Variants in ATF3 observed in about 807,000 individuals in gnomAD.
ATF3 encodes cyclic AMP-dependent transcription factor ATF-3.
In ATF3, 10 loss-of-function variants were observed where a neutral mutation model predicts 18.4. The observed-to-expected ratio is 0.54, with a 90% CI of 0.34 to 0.92. The LOEUF (loss-of-function observed/expected upper bound fraction) is 0.92, where lower values mean the gene tolerates loss of function less well. Ranked by LOEUF, ATF3 falls within the 40% of genes least tolerant of loss-of-function variation. The probability of loss-of-function intolerance (pLI) is 0.02; values close to 1 mark genes in which losing one functional copy is unlikely to be tolerated. For missense variants in ATF3, 183 were observed against 222.3 expected (o/e 0.82, Z 1.12); for synonymous variants, 78 against 87.9 (o/e 0.89, Z 0.63).
upstream of ATF3, among the ~76,000 whole-genome samples, chr1:212,608,431 A>G (rs1654713838): frequency 6.6e-6 from 1 of 152,054 alleles, no homozygotes; most frequent in African/African-American, 2.4e-5. Context: ...AACACGCAGC[A>G]GCGAGTACGC....
chr1:212,595,490 A>T (rs1664973902), intron 1 of ATF3, among the ~76,000 whole-genome samples: 2 of 152,222 alleles, frequency 1.3e-5, no homozygotes, highest in Admixed American at 1.3e-4. Flanking sequence ...TCCTGGACCA[A>T]CCACAGTGGT....
intron 1 of ATF3, among the ~76,000 whole-genome samples, chr1:212,586,099 A>G (rs146415974): frequency 0.016 from 2,449 of 152,002 alleles, 52 homozygotes; most frequent in African/African-American, 0.051. Flanking sequence ...TTTGCACCAG[A>G]CTGTGAGTCT....
intron 1 of ATF3, among the ~76,000 whole-genome samples, chr1:212,596,255 C>A (rs1486438553): frequency 6.6e-6 from 1 of 152,250 alleles, no homozygotes; most frequent in Non-Finnish European, 1.5e-5. Context: ...CTAAGGCTAA[C>A]TTTCCCCTGT....
chr1:212,575,694 C>A (rs1005524476), intron 1 of ATF3, among the ~76,000 whole-genome samples: 2 of 151,986 alleles, frequency 1.3e-5, no homozygotes, highest in Non-Finnish European at 2.9e-5. Context: ...GCCTTCTATA[C>A]CTAGTTTGCT....
intron 1 of ATF3, among the ~76,000 whole-genome samples, chr1:212,611,621 GT>G (rs1337665880): frequency 1.3e-5 from 2 of 152,190 alleles, no homozygotes; most frequent in Non-Finnish European, 2.9e-5. Flanking sequence ...GATATGAAGA[GT>G]TAGTGAAAGG....
At chr1:212,612,301 G>A (rs1373132871) in intron 1 of ATF3, among the ~76,000 whole-genome samples, 1 of 152,134 alleles carries the variant, frequency 6.6e-6, no homozygotes, top group African/African-American at 2.4e-5. Flanking sequence ...AAGGGTAGGG[G>A]GCGGGAGTCA....
At chr1:212,578,439 A>C (rs1664622008) in intron 1 of ATF3, among the ~76,000 whole-genome samples, 1 of 152,178 alleles carries the variant, frequency 6.6e-6, no homozygotes, top group Non-Finnish European at 1.5e-5. Flanking sequence ...CATGTCTCTT[A>C]ATACTTTCTC....
At chr1:212,596,205 A>G (rs1485511467) in intron 1 of ATF3, among the ~76,000 whole-genome samples, 1 of 152,248 alleles carries the variant, frequency 6.6e-6, no homozygotes, top group Non-Finnish European at 1.5e-5. Context: ...TGGCCGTTAC[A>G]AGATAACTCC....
chr1:212,616,083 T>A (rs1233594690), intron 2 of ATF3, among the ~76,000 whole-genome samples: 1 of 151,590 alleles, frequency 6.6e-6, no homozygotes, highest in Non-Finnish European at 1.5e-5. Context: ...GTAAAAGAAA[T>A]TAAGGGCACT....
chr1:212,616,817 A>G lies in ATF3; in HGVS notation c.241-1310A>G, dbSNP rs181919804. ...GCTGATAGATTGGATGTGGGGTGTA[A>G]GAGAAAGGGAAGACTCAAGGGTGAC... On this transcript the variant is annotated intron_variant, in intron 2 of 3. Coordinates refer to ENST00000341491, the MANE Select transcript of ATF3 (RefSeq NM_001674.4). Among the ~76,000 whole-genome samples the G allele has an allele frequency of 1.6e-4, 24 of 152,230 alleles. No individual in the cohort carries two copies. The East Asian group carries it at 4.6e-3, about 29-fold the overall frequency.
At position 212,618,082 on chromosome 1, in the gene ATF3, G is replaced by C. The variant is rs948925946; in HGVS notation, c.241-45G>C. On this transcript the variant is annotated intron_variant, in intron 2 of 3. Transcript: ENST00000341491. This position sits in a 1 kb window ranked among gnomAD's most constrained non-coding sequence, Gnocchi z 4.4. Reference sequence around the variant, plus strand: ...AAAGGCAGTGTATTTGAGGTAGGTGGCATTTCTTACTGCCCTTTAAATGTG... The same window carrying C: ...AAAGGCAGTGTATTTGAGGTAGGTGCCATTTCTTACTGCCCTTTAAATGTG... 1 of 1,590,822 alleles carries C rather than the reference G, an allele frequency of 6.3e-7. No homozygotes were observed. Among genetic ancestry groups the C allele is most frequent in the Non-Finnish European group, 8.6e-7 (1 of 1,159,594 alleles).
chr1:212,610,689 C>G (rs771641876), intron 1 of ATF3, among the ~76,000 whole-genome samples: 2 of 152,144 alleles, frequency 1.3e-5, no homozygotes, highest in Non-Finnish European at 2.9e-5. Context: ...CTTCGATAGC[C>G]CCTCCCTATC....
At chr1:212,587,284 G>T (rs1664797526) in intron 1 of ATF3, among the ~76,000 whole-genome samples, 3 of 152,214 alleles carry the variant, frequency 2.0e-5, no homozygotes, top group East Asian at 3.8e-4. Context: ...AATAAATGAA[G>T]AATATTTGTA....
upstream of ATF3, among the ~76,000 whole-genome samples, chr1:212,604,109 C>CTTCAAATCACT: frequency 6.6e-6 from 1 of 152,172 alleles, no homozygotes; most frequent in East Asian, 1.9e-4. Context: ...AATCTTTTAT[C>CTTCAAATCACT]TTCAAATCAC....
chr1:212,619,505 G>C lies in ATF3; in HGVS notation c.496G>C (p.Glu166Gln), dbSNP rs776417028. 1 of 1,614,194 alleles carries C rather than the reference G, an allele frequency of 6.2e-7. No homozygotes were observed. Among genetic ancestry groups the C allele is most frequent in the South Asian group, 1.1e-5 (1 of 91,076 alleles). ...RAQNGRTPEDERNLFIQQIKE... is the reference protein window; with the variant it reads ...RAQNGRTPEDQRNLFIQQIKE... ...TCAGAATGGGAGGACTCCAGAAGATGAGAGAAACCTCTTTATCCAACAGAT... is the reference window on the plus strand; with the variant it reads ...TCAGAATGGGAGGACTCCAGAAGATCAGAGAAACCTCTTTATCCAACAGAT... Residue 166 changes from glutamate to glutamine, a missense_variant, in exon 4 of 4, where the codon GAG (glutamate) becomes CAG (glutamine). By Grantham distance (29) the Glu-to-Gln change is conservative. Coordinates refer to ENST00000341491, the MANE Select transcript of ATF3 (RefSeq NM_001674.4). This position sits in a 1 kb window ranked among gnomAD's most constrained non-coding sequence, Gnocchi z 4.4.
chr1:212,581,290 C>T (rs895568932), intron 1 of ATF3, among the ~76,000 whole-genome samples: 4 of 152,192 alleles, frequency 2.6e-5, no homozygotes, highest in Non-Finnish European at 5.9e-5. Flanking sequence ...GGTTTCTGCT[C>T]GTATGCTCTC....
chr1:212,588,712 A>G (rs929432368), intron 1 of ATF3, among the ~76,000 whole-genome samples: 16 of 152,312 alleles, frequency 1.1e-4, no homozygotes, highest in Non-Finnish European at 2.4e-4. Flanking sequence ...AATTGCTTTC[A>G]ATTCTTTTCA....
intron 1 of ATF3, among the ~76,000 whole-genome samples, chr1:212,582,456 A>G (rs1664700044): frequency 6.6e-6 from 1 of 152,226 alleles, no homozygotes; most frequent in Non-Finnish European, 1.5e-5. Context: ...CTCCAAGGGG[A>G]GGGCTGTGTG....
rs1038140398 is a variant in ATF3 at position 212,602,538 on chromosome 1, C to T, written c.-4-12480C>T. On this transcript the variant is annotated intron_variant, in intron 1 of 3. Transcript: ENST00000366981. The stretch of plus-strand genomic sequence containing the variant: ...CAGGAGGTGGTAGGTATCGTGGTTG[C>T]GCACTCAGACTTGGGAGTCAGACTG... Among the ~76,000 whole-genome samples, 6 of 152,232 alleles carry T rather than the reference C, an allele frequency of 3.9e-5. No individual in the cohort carries two copies. The South Asian group carries it at 8.3e-4, about 21-fold the overall frequency.
Sources: gnomAD v4.1 joint callset for allele counts (sites outside exome capture counted in the v4.1 genomes callset) on GRCh38, gnomAD v4.1.1 for gene constraint, Gnocchi (gnomAD v3.1) non-coding constraint, MANE v1.5 for transcripts, NCBI Gene and HGNC (gene_info 2026-07-23, HGNC 2026-07-21) for gene names.